Variants in IRF2BP2 observed in about 807,000 individuals in gnomAD.
IRF2BP2 encodes interferon regulatory factor 2 binding protein 2.
In IRF2BP2, 13 loss-of-function variants were observed where a neutral mutation model predicts 32.7. The observed-to-expected ratio is 0.40, with a 90% CI of 0.26 to 0.63. IRF2BP2 has a LOEUF of 0.63. Among genes scored for constraint, IRF2BP2 ranks in the 30% least tolerant of loss-of-function variants. IRF2BP2 has a pLI of 0.42. For missense variants in IRF2BP2, 980 were observed against 830.6 expected, an observed-to-expected ratio of 1.18 and a Z score of -2.21; for synonymous variants, 555 against 384.6, an observed-to-expected ratio of 1.44 and a Z score of -5.18.
In IRF2BP2 at chr1:234,608,773, A is replaced by C; in HGVS notation, c.722T>G (p.Val241Gly). The C allele has an allele frequency of 2.7e-6, 4 of 1,457,796 alleles. No individual in the cohort carries two copies. The highest frequency in any genetic ancestry group is 3.6e-6 in the Non-Finnish European group (4 of 1,113,894). The allele number at this position is 1,457,796 out of a possible 1,614,324, so 90.3% of individuals were successfully genotyped here. The change falls in exon 1 of 2, where the codon GTG becomes GGG. Residue 241 changes from valine to glycine, a missense_variant. Val to Gly is a moderately radical substitution (Grantham distance 109). Transcript: ENST00000366609. ...GTGCTCCACGGCAGCGCTGCTCGAC[A>C]CGGATGCCGGCCGCTTGTGGGCGCC... ...DLGAHKRPAS[V>G]SSSAAVEHEQ...
Position 234,608,943 on chromosome 1 carries a change from C to A in IRF2BP2, c.552G>T (p.Val184=). The change falls in exon 1 of 2, where the codon GTG becomes GTT. Residue 184 remains valine, a synonymous_variant. Coordinates refer to ENST00000366609, the MANE Select transcript of IRF2BP2 (RefSeq NM_182972.3). ...TCATGAGCGGCACCAGGGTGGGCGG[C>A]ACCGCGTGGCCGCGCCGCGGGTTCG... ...QSPNPRRGHA[V]PPTLVPLMNG... is the part of the protein sequence containing the mutation. 1 of 1,362,024 alleles carries A rather than the reference C, an allele frequency of 7.3e-7. No homozygotes were observed. The highest frequency in any genetic ancestry group is 9.4e-7 in the Non-Finnish European group (1 of 1,062,170). The allele number at this position is 1,362,024 out of a possible 1,614,324, so 84.4% of individuals were successfully genotyped here.
chr1:234,608,830 G>C lies in IRF2BP2; in HGVS notation c.665C>G (p.Ala222Gly), dbSNP rs1396872994. Residue 222 changes from alanine to glycine, a missense_variant, in exon 1 of 2, where the codon GCC (alanine) becomes GGC (glycine). Coordinates refer to ENST00000366609, the MANE Select transcript of IRF2BP2 (RefSeq NM_182972.3). ...SLAAVSGTAA[A>G]SLGSAQPTDL... Reference sequence around the variant, plus strand: ...GGTGGGCTGCGCGGAGCCCAGGCTGGCGGCCGCGGTTCCGGACACCGCGGC... The same window carrying C: ...GGTGGGCTGCGCGGAGCCCAGGCTGCCGGCCGCGGTTCCGGACACCGCGGC... The C allele has an allele frequency of 1.5e-6, 2 of 1,356,060 alleles. No homozygotes were observed. Among genetic ancestry groups the C allele is most frequent in the African/African-American group, 1.5e-5 (1 of 65,000 alleles). 84.0% of individuals were successfully genotyped at this position (1,356,060 alleles called of 1,614,324 possible).
rs140819648 is a variant in IRF2BP2, at chr1:234,606,638, T to A, written c.*499A>T. On this transcript the variant is annotated 3_prime_UTR_variant, in exon 2 of 2. Coordinates refer to ENST00000366609, the MANE Select transcript of IRF2BP2 (RefSeq NM_182972.3). The stretch of plus-strand genomic sequence containing the variant: ...AAACTGGTGGTATTTCCCAGTGGCA[T>A]GCCCACTTGACAACATGCCCGTTCG... 1.3e-5 allele frequency: 2 copies of A among 153,696 alleles called. No individual in the cohort carries two copies. Among genetic ancestry groups the A allele is most frequent in the African/African-American group, 4.8e-5 (2 of 41,598 alleles). 9.5% of individuals were successfully genotyped at this position (153,696 alleles called of 1,614,324 possible). A position where few individuals can be genotyped will look rare whatever the true frequency, so the allele number is the denominator to read the frequency against.
chr1:234,610,160 G>A lies in IRF2BP2; in HGVS notation c.-666C>T, dbSNP rs1381599977. ...CACCGTCGCTGCTGCTGCTGCCGCC[G>A]CGACCGCTCCACTTCTACAGACTTG... On this transcript the variant is annotated 5_prime_UTR_variant, in exon 1 of 2. Transcript: ENST00000366609. Among the ~76,000 whole-genome samples the A allele has an allele frequency of 6.7e-6, 1 of 148,298 alleles. No individual in the cohort carries two copies. The highest frequency in any genetic ancestry group is 2.0e-4 in the East Asian group (1 of 5,054).
chr1:234,605,620 AT>A lies in IRF2BP2; in HGVS notation c.*1516del, dbSNP rs1672139509. ...GCTAGGCTGTGAACCATACACATAA[AT>A]TGTAGACCTTGAAGCCATAATTCAG... is the stretch of plus-strand genomic sequence containing the variant. On this transcript the variant is annotated 3_prime_UTR_variant, in exon 2 of 2. Transcript: ENST00000366609. The A allele has an allele frequency of 6.6e-6, 1 of 152,266 alleles. No homozygotes were observed. Among genetic ancestry groups the A allele is most frequent in the African/African-American group, 2.4e-5 (1 of 41,474 alleles). The allele number at this position is 152,266 out of a possible 1,614,324, so 9.4% of individuals were successfully genotyped here.
chr1:234,608,694 C>A lies in IRF2BP2; in HGVS notation c.801G>T (p.Arg267=). 1 of 1,506,464 alleles carries A rather than the reference C, an allele frequency of 6.6e-7. No homozygotes were observed. The highest frequency in any genetic ancestry group is 8.8e-7 in the Non-Finnish European group (1 of 1,138,240). The allele number at this position is 1,506,464 out of a possible 1,614,324, so 93.3% of individuals were successfully genotyped here. ...KEKQPPPPAH[R]GPADSLSTAA... Reference sequence around the variant, plus strand: ...CGGTGGACAGGCTGTCGGCCGGGCCCCGGTGCGCAGGCGGCGGCGGTTGTT... The same window carrying A: ...CGGTGGACAGGCTGTCGGCCGGGCCACGGTGCGCAGGCGGCGGCGGTTGTT... Residue 267 remains arginine (R), a synonymous_variant, in exon 1 of 2, where the codon CGG becomes CGT. Transcript: ENST00000366609.
rs1385451953 is a variant in IRF2BP2, at chr1:234,606,912, G to A, written c.*225C>T. The A allele has an allele frequency of 1.4e-5, 6 of 425,456 alleles. No homozygotes were observed. The East Asian group carries it at 1.5e-4, about 11-fold the overall frequency. 26.4% of individuals were successfully genotyped at this position (425,456 alleles called of 1,614,324 possible). On this transcript the variant is annotated 3_prime_UTR_variant, in exon 2 of 2. Transcript: ENST00000366609. The stretch of plus-strand genomic sequence containing the variant: ...CCAGGATAATAAAGCACAAAGATAT[G>A]CTAATAACGTTAACAAAAGAAAAAA...
At position 234,608,818 on chromosome 1, in the gene IRF2BP2, G is replaced by A. The variant is rs1389085714; in HGVS notation, c.677C>T (p.Ser226Phe). Residue 226 changes from serine (S) to phenylalanine (F), a missense_variant, in exon 1 of 2, where the codon TCC becomes TTC. Physicochemically the swap from Ser to Phe is radical, Grantham distance 155. Coordinates refer to ENST00000366609, the MANE Select transcript of IRF2BP2 (RefSeq NM_182972.3). ...GGCGCCCAGATCGGTGGGCTGCGCGGAGCCCAGGCTGGCGGCCGCGGTTCC... is the reference window on the plus strand; with the variant it reads ...GGCGCCCAGATCGGTGGGCTGCGCGAAGCCCAGGCTGGCGGCCGCGGTTCC... ...VSGTAAASLG[S>F]AQPTDLGAHK... is the part of the protein sequence containing the mutation. 1 of 1,379,574 alleles carries A rather than the reference G, an allele frequency of 7.2e-7. No homozygotes were observed. The highest frequency in any genetic ancestry group is 9.3e-7 in the Non-Finnish European group (1 of 1,075,880). 85.5% of individuals were successfully genotyped at this position (1,379,574 alleles called of 1,614,324 possible). A position where few individuals can be genotyped will look rare whatever the true frequency, so the allele number is the denominator to read the frequency against.
In IRF2BP2 at chr1:234,607,837, C is replaced by T. The variant is rs1023828373; in HGVS notation, c.1064G>A (p.Arg355Lys). Reference sequence around the variant, plus strand: ...TGGTTCTGGAGAGGGCTTCCTTTTCCTTGCTGTTCTTGCAACTGGAAACAC... The same window carrying T: ...TGGTTCTGGAGAGGGCTTCCTTTTCTTTGCTGTTCTTGCAACTGGAAACAC... ...NGSKAVARTA[R>K]KRKPSPEPEG... The change falls in exon 2 of 2, where the codon AGG (arginine) becomes AAG (lysine). Residue 355 changes from arginine (R) to lysine (K), a missense_variant. Physicochemically the swap from Arg to Lys is conservative, Grantham distance 26. Transcript: ENST00000366609. 6.4e-6 allele frequency: 10 copies of T among 1,573,710 alleles called. No homozygotes were observed. The highest frequency in any genetic ancestry group is 2.3e-5 in the East Asian group (1 of 44,386).
At chr1:234,608,153 T>C in intron 1 of IRF2BP2, 2 of 529,204 alleles carry the variant, frequency 3.8e-6, no homozygotes, top group Non-Finnish European at 6.7e-6. Flanking sequence ...TGACTGCTAA[T>C]GTCCCCCAAT....
Position 234,609,393 on chromosome 1 carries a change from T to C in IRF2BP2, c.102A>G (p.Glu34=), listed in dbSNP as rs1222699104. 3.8e-6 allele frequency: 6 copies of C among 1,562,976 alleles called. No individual in the cohort carries two copies. Among genetic ancestry groups the C allele is most frequent in the Non-Finnish European group, 4.3e-6 (5 of 1,157,368 alleles). Residue 34 remains glutamate (E), a synonymous_variant, in exon 1 of 2, where the codon GAA becomes GAG. Coordinates refer to ENST00000366609, the MANE Select transcript of IRF2BP2 (RefSeq NM_182972.3). ...MPWAMIWDFT[E]PVCRGCVNYE... is the part of the protein sequence containing the mutation. Reference sequence around the variant, plus strand: ...AGTTGACGCAGCCGCGGCAGACGGGTTCGGTGAAGTCCCAGATCATGGCCC... The same window carrying C: ...AGTTGACGCAGCCGCGGCAGACGGGCTCGGTGAAGTCCCAGATCATGGCCC...
chr1:234,608,243 A>G lies in IRF2BP2; in HGVS notation c.1048+204T>C, dbSNP rs1672221109. 7 of 551,830 alleles carry G rather than the reference A, an allele frequency of 1.3e-5. No homozygotes were observed. The South Asian group carries it at 1.6e-4, about 13-fold the overall frequency. 34.2% of individuals were successfully genotyped at this position (551,830 alleles called of 1,614,324 possible). Reference sequence around the variant, plus strand: ...GGAAAACCCCGTGTCAGAGCGTATCAGCCCAGTCTGACTCATCTCTGTTAT... The same window carrying G: ...GGAAAACCCCGTGTCAGAGCGTATCGGCCCAGTCTGACTCATCTCTGTTAT... On this transcript the variant is annotated intron_variant, in intron 1 of 1. Coordinates refer to ENST00000366609, the MANE Select transcript of IRF2BP2 (RefSeq NM_182972.3).
Position 234,607,293 on chromosome 1 carries a change from T to C in IRF2BP2, c.1608A>G (p.Gln536=), listed in dbSNP as rs762175380. The C allele has an allele frequency of 1.9e-6, 3 of 1,614,212 alleles. No individual in the cohort carries two copies. The highest frequency in any genetic ancestry group is 2.2e-5 in the South Asian group (2 of 91,088). The change falls in exon 2 of 2, where the codon CAA becomes CAG. Residue 536 remains glutamine, a synonymous_variant. Transcript: ENST00000366609. ...CACTAGCTCCCTGCTGTTTGATGCT[T>C]TGTCTGGAGCAAGGGAAGCAGAACT... ...SHKFCFPCSR[Q]SIKQQGASGE...
chr1:234,608,987 C>A lies in IRF2BP2; in HGVS notation c.508G>T (p.Glu170Ter). 1.5e-6 allele frequency: 2 copies of A among 1,352,302 alleles called. No homozygotes were observed. The highest frequency in any genetic ancestry group is 3.0e-5 in the Admixed American group (1 of 33,210). The allele number at this position is 1,352,302 out of a possible 1,614,324, so 83.8% of individuals were successfully genotyped here. A position where few individuals can be genotyped will look rare whatever the true frequency, so the allele number is the denominator to read the frequency against. The change falls in exon 1 of 2, where the codon GAG becomes TAG. Residue 170 changes from glutamate to a stop codon, truncating the protein, a stop_gained. Transcript: ENST00000366609. LOFTEE classifies it high-confidence loss of function. The stretch of plus-strand genomic sequence containing the variant: ...GGGTTCGGGCTCTGGCGATTCAGCT[C>A]GGGCGGCTCCTCTAGCTTGGAGAAG... Reference protein sequence around the residue: ...NGFSKLEEPPELNRQSPNPRR... With the variant: ...NGFSKLEEPP
At position 234,608,488 on chromosome 1, in the gene IRF2BP2, A is replaced by C. The variant is rs757682735; in HGVS notation, c.1007T>G (p.Leu336Trp). ...GGCCCCGTTGGCCTCGAAACCCAAC[A>C]ACCTGCCTGCAGTCAGGGCCGGCTC... ...KKEPALTAGR[L>W]LGFEANGANG... Residue 336 changes from leucine (L) to tryptophan (W), a missense_variant, in exon 1 of 2, where the codon TTG (leucine) becomes TGG (tryptophan). By Grantham distance (61) the Leu-to-Trp change is moderately conservative (BLOSUM62 -2). Transcript: ENST00000366609. 1.2e-5 allele frequency: 19 copies of C among 1,603,804 alleles called. No individual in the cohort carries two copies. The highest frequency in any genetic ancestry group is 6.7e-5 in the East Asian group (3 of 44,486).
At position 234,604,532 on chromosome 1, in the gene IRF2BP2, T is replaced by C. The variant is rs1672112585; in HGVS notation, c.*2605A>G. On this transcript the variant is annotated 3_prime_UTR_variant, in exon 2 of 2. Transcript: ENST00000366609. ...TTGGTGGCCAAGGAAAGGTATATAG[T>C]AAAAGTTGTAAACCATGTGTATGTT... 6.6e-6 allele frequency: 1 copy of C among 152,222 alleles called. No homozygotes were observed. Among genetic ancestry groups the C allele is most frequent in the South Asian group, 2.1e-4 (1 of 4,830 alleles). 9.4% of individuals were successfully genotyped at this position (152,222 alleles called of 1,614,324 possible). A position where few individuals can be genotyped will look rare whatever the true frequency, so the allele number is the denominator to read the frequency against.
Position 234,605,734 on chromosome 1 carries a change from A to C in IRF2BP2, c.*1403T>G, listed in dbSNP as rs989984973. On this transcript the variant is annotated 3_prime_UTR_variant, in exon 2 of 2. Coordinates refer to ENST00000366609, the MANE Select transcript of IRF2BP2 (RefSeq NM_182972.3). ...ATGTTAAATCATAACAGCACAAAAGAAAAACCAGTATCACTGTGAGACAAC... is the reference window on the plus strand; with the variant it reads ...ATGTTAAATCATAACAGCACAAAAGCAAAACCAGTATCACTGTGAGACAAC... The C allele has an allele frequency of 6.6e-6, 1 of 152,236 alleles. No homozygotes were observed. The highest frequency in any genetic ancestry group is 1.5e-5 in the Non-Finnish European group (1 of 68,042). 9.4% of individuals were successfully genotyped at this position (152,236 alleles called of 1,614,324 possible).
In IRF2BP2 at chr1:234,609,926, G is replaced by A. The variant is rs1318729139; in HGVS notation, c.-432C>T. Among the ~76,000 whole-genome samples the A allele has an allele frequency of 7.2e-6, 1 of 138,558 alleles. No homozygotes were observed. The highest frequency in any genetic ancestry group is 1.6e-5 in the Non-Finnish European group (1 of 62,610). The allele number at this position is 138,558 out of a possible 152,430, so 90.9% of individuals were successfully genotyped here. Reference sequence around the variant, plus strand: ...CGGAGTGCGGGGCGGGGGGCGGGGAGGCCGGGGGGGCAGGGGGCGGGGGGC... The same window carrying A: ...CGGAGTGCGGGGCGGGGGGCGGGGAAGCCGGGGGGGCAGGGGGCGGGGGGC... On this transcript the variant is annotated 5_prime_UTR_variant, in exon 1 of 2. Transcript: ENST00000366609.
In IRF2BP2 at chr1:234,608,623, C is replaced by G; in HGVS notation, c.872G>C (p.Arg291Pro). The change falls in exon 1 of 2, where the codon CGC becomes CCC. Residue 291 changes from arginine (R) to proline (P), a missense_variant. By Grantham distance (103) the Arg-to-Pro change is moderately radical. Coordinates refer to ENST00000366609, the MANE Select transcript of IRF2BP2 (RefSeq NM_182972.3). ...ELSAEGAGKS[R>P]GSGEQDWVNR... ...GACCCAGTCCTGCTCTCCAGACCCG[C>G]GGCTCTTGCCCGCACCTTCCGCGCT... is the stretch of plus-strand genomic sequence containing the variant. 1 of 1,571,212 alleles carries G rather than the reference C, an allele frequency of 6.4e-7. No homozygotes were observed. The highest frequency in any genetic ancestry group is 8.6e-7 in the Non-Finnish European group (1 of 1,162,044).
Sources: allele counts gnomAD v4.1 joint callset (sites outside exome capture counted in the v4.1 genomes callset), GRCh38; gene constraint gnomAD v4.1.1; transcripts MANE v1.5; gene names NCBI Gene and HGNC (gene_info 2026-07-23, HGNC 2026-07-21).